The following GNAQ variants were observed in gnomAD, a reference collection of about 807,000 sequenced individuals.
The protein encoded by GNAQ is guanine nucleotide-binding protein G(q) subunit alpha.
A neutral mutation model predicts 43.9 loss-of-function variants in GNAQ; 8 were observed. The ratio of observed to expected loss-of-function variants is 0.18; its 90% CI spans 0.11 to 0.33. GNAQ has a LOEUF of 0.33. GNAQ is among the 10% of genes least tolerant of loss of function. GNAQ has a pLI of 1.00. For missense variants in GNAQ, 158 were observed against 450.8 expected (o/e 0.35, Z 5.88); for synonymous variants, 155 against 170.7 (o/e 0.91, Z 0.71).
intron 1 of GNAQ, among the ~76,000 whole-genome samples, chr9:77,967,528 C>A (rs1294327285): frequency 2.0e-5 from 3 of 152,118 alleles, no homozygotes; most frequent in African/African-American, 4.8e-5. Flanking sequence ...ACATGGATAA[C>A]CCTTAAAAAT....
At chr9:77,878,344 A>C (rs1239213004) in intron 2 of GNAQ, among the ~76,000 whole-genome samples, 1 of 151,988 alleles carries the variant, frequency 6.6e-6, no homozygotes, top group Non-Finnish European at 1.5e-5. Flanking sequence ...AAGGAGAAAG[A>C]AAGGATTGAA....
chr9:77,892,406 G>A (rs1461574520), intron 2 of GNAQ, among the ~76,000 whole-genome samples: 2 of 152,146 alleles, frequency 1.3e-5, no homozygotes, highest in East Asian at 3.8e-4. Flanking sequence ...TAAACACAAA[G>A]AAGGACACTG....
intron 1 of GNAQ, among the ~76,000 whole-genome samples, chr9:77,975,939 T>C (rs1346418710): frequency 6.6e-6 from 1 of 152,214 alleles, no homozygotes; most frequent in African/African-American, 2.4e-5. Flanking sequence ...AAGACCCTTC[T>C]GAGAGCTGTC....
At chr9:77,808,821 C>A (rs1227143462) in intron 3 of GNAQ, among the ~76,000 whole-genome samples, 1 of 151,792 alleles carries the variant, frequency 6.6e-6, no homozygotes, top group African/African-American at 2.4e-5. Context: ...TTTCACCATA[C>A]AACGGTCTTA....
At chr9:77,813,518 A>G (rs888392321) in intron 3 of GNAQ, among the ~76,000 whole-genome samples, 3 of 152,158 alleles carry the variant, frequency 2.0e-5, no homozygotes, top group Non-Finnish European at 4.4e-5. Context: ...CATACTAACT[A>G]ATGGGTCCAT....
intron 5 of GNAQ, among the ~76,000 whole-genome samples, chr9:77,760,552 C>A (rs974786761): frequency 7.0e-6 from 1 of 142,582 alleles, no homozygotes; most frequent in Non-Finnish European, 1.6e-5. Flanking sequence ...GATCTCGGCT[C>A]GCTACAACTT....
Position 77,718,726 on chromosome 9 carries a change from ATTTTT to A in GNAQ, c.*2592_*2596del, listed in dbSNP as rs754786107. The A allele has an allele frequency of 2.6e-3, 298 of 114,068 alleles. No homozygotes were observed. Among genetic ancestry groups the A allele is most frequent in the Middle Eastern group, 7.0e-3 (2 of 286 alleles). The allele number at this position is 114,068 out of a possible 1,614,324, so 7.1% of individuals were successfully genotyped here. On this transcript the variant is annotated 3_prime_UTR_variant, in exon 7 of 7. Coordinates refer to ENST00000286548, the MANE Select transcript of GNAQ (RefSeq NM_002072.5). ...GTAGGCCTTCAAATGTTGTTGTTTA[ATTTTT>A]TTTTTTTTTTTTTTTTTTTTTGCTG...
Position 77,719,647 on chromosome 9 carries a change from G to A in GNAQ, c.*1676C>T, listed in dbSNP as rs373931038. The A allele has an allele frequency of 5.6e-5, 13 of 232,578 alleles. No homozygotes were observed. Among genetic ancestry groups the A allele is most frequent in the South Asian group, 3.6e-4 (2 of 5,512 alleles). The allele number at this position is 232,578 out of a possible 1,614,324, so 14.4% of individuals were successfully genotyped here. A position where few individuals can be genotyped will look rare whatever the true frequency, so the allele number is the denominator to read the frequency against. ...ACCAGTATCATGGCCTAATTCTAAC[G>A]TCCCAGCAGCTTTGAACAATCATGA... is the stretch of plus-strand genomic sequence containing the variant. On this transcript the variant is annotated 3_prime_UTR_variant, in exon 7 of 7. Transcript: ENST00000286548.
At position 77,874,112 on chromosome 9, in the gene GNAQ, AAAAAC is replaced by A. The variant is rs1366942876; in HGVS notation, c.321+48044_321+48048del. ...AGAGCGAAACTCCATCTCAAAAAAA[AAAAAC>A]AAAAAAACAAAAAAACAAAAAAACA... On this transcript the variant is annotated intron_variant, in intron 2 of 6. Transcript: ENST00000286548. Among the ~76,000 whole-genome samples, 10 of 133,244 alleles carry A rather than the reference AAAAAC, an allele frequency of 7.5e-5. No homozygotes were observed. The East Asian group carries it at 1.1e-3, about 14-fold the overall frequency. The allele number at this position is 133,244 out of a possible 152,430, so 87.4% of individuals were successfully genotyped here.
chr9:78,003,818 A>G (rs904436850), intron 1 of GNAQ, among the ~76,000 whole-genome samples: 4 of 151,996 alleles, frequency 2.6e-5, no homozygotes, highest in Non-Finnish European at 4.4e-5. Context: ...TGTCTAAAAA[A>G]AAAAAAAAGA....
At chr9:78,017,996 T>C (rs543243999) in intron 1 of GNAQ, among the ~76,000 whole-genome samples, 14 of 152,242 alleles carry the variant, frequency 9.2e-5, no homozygotes, top group African/African-American at 3.4e-4. Context: ...TTTCAGAATA[T>C]GTTTTGGGTG....
At chr9:77,787,060 G>T (rs1256023296) in intron 5 of GNAQ, among the ~76,000 whole-genome samples, 1 of 152,092 alleles carries the variant, frequency 6.6e-6, no homozygotes, top group Non-Finnish European at 1.5e-5. Flanking sequence ...TTGAGCAAAA[G>T]AATCTAGACA....
intron 5 of GNAQ, among the ~76,000 whole-genome samples, chr9:77,746,495 G>A (rs1468753681): frequency 6.6e-6 from 1 of 152,068 alleles, no homozygotes; most frequent in Non-Finnish European, 1.5e-5. Context: ...ACCGTGTTTT[G>A]AAAGATTTCA....
chr9:77,793,588 C>T (rs377698407), intron 5 of GNAQ, among the ~76,000 whole-genome samples: 4 of 152,088 alleles, frequency 2.6e-5, no homozygotes, highest in East Asian at 1.9e-4. Flanking sequence ...GGATCTCTCA[C>T]TTCCTTCTTT....
chr9:77,843,032 C>T (rs1827517341), intron 2 of GNAQ, among the ~76,000 whole-genome samples: 1 of 152,174 alleles, frequency 6.6e-6, no homozygotes, highest in African/African-American at 2.4e-5. Context: ...AACACACAGA[C>T]TAAGGTATGC....
intron 2 of GNAQ, among the ~76,000 whole-genome samples, chr9:77,824,636 C>A (rs938714006): frequency 6.6e-6 from 1 of 152,134 alleles, no homozygotes; most frequent in Non-Finnish European, 1.5e-5. Flanking sequence ...ATCATTACCA[C>A]AAAATACATT....
intron 1 of GNAQ, among the ~76,000 whole-genome samples, chr9:77,922,981 G>C (rs928358736): frequency 1.1e-4 from 16 of 151,846 alleles, no homozygotes; most frequent in Middle Eastern, 3.4e-3. Context: ...CCCCATAGCT[G>C]GAACTACAGG....
chr9:77,986,803 CTTT>C (rs56978328), intron 1 of GNAQ, among the ~76,000 whole-genome samples: 6,531 of 123,516 alleles, frequency 0.053, 190 homozygotes, highest in Non-Finnish European at 0.065. Context: ...GCACCTGGCC[CTTT>C]TTTTTTTTTT....
chr9:78,006,004 C>T (rs1255251388), intron 1 of GNAQ, among the ~76,000 whole-genome samples: 1 of 152,178 alleles, frequency 6.6e-6, no homozygotes, highest in South Asian at 2.1e-4. Flanking sequence ...TGACAATAAA[C>T]ATGAAATGTC....
Sources: gnomAD v4.1 joint callset for allele counts (sites outside exome capture counted in the v4.1 genomes callset) on GRCh38, gnomAD v4.1.1 for gene constraint, MANE v1.5 for transcripts, NCBI Gene and HGNC (gene_info 2026-07-23, HGNC 2026-07-21) for gene names.